SCLT1: variants seen among roughly 807,000 people sequenced by gnomAD.
SCLT1 encodes sodium channel-associated protein 1.
In SCLT1, 78 loss-of-function variants were observed where a neutral mutation model predicts 112.8. That is an observed-to-expected ratio of 0.69 (90% CI 0.58 to 0.83). The LOEUF (loss-of-function observed/expected upper bound fraction) is 0.83. Among genes scored for constraint, SCLT1 ranks in the 40% least tolerant of loss-of-function variants. The pLI, the probability that SCLT1 is intolerant of heterozygous loss-of-function variation, is 0.00. For synonymous variants in SCLT1, 257 were observed against 254.7 expected, an observed-to-expected ratio of 1.01 and a Z score of -0.09; for missense variants, 747 against 770.4, an observed-to-expected ratio of 0.97 and a Z score of 0.36.
At chr4:129,017,088 T>G (rs1745056493) in intron 5 of SCLT1, among the ~76,000 whole-genome samples, 1 of 152,142 alleles carries the variant, frequency 6.6e-6, no homozygotes, top group African/African-American at 2.4e-5. Flanking sequence ...TGTCAATTCA[T>G]TTTTTTAATC....
intron 10 of SCLT1, among the ~76,000 whole-genome samples, chr4:128,968,252 C>A (rs537245505): frequency 6.6e-6 from 1 of 152,084 alleles, no homozygotes; most frequent in Non-Finnish European, 1.5e-5. Flanking sequence ...AGCTCTTGTT[C>A]ATTTTTCTTC....
chr4:128,898,579 C>A (rs1264630619), intron 18 of SCLT1, among the ~76,000 whole-genome samples: 2 of 151,950 alleles, frequency 1.3e-5, no homozygotes, highest in Admixed American at 6.6e-5. Context: ...CAGGAAAGAT[C>A]GAAAATTGAC....
chr4:128,943,961 A>G (rs1737926890), intron 16 of SCLT1, among the ~76,000 whole-genome samples: 2 of 152,162 alleles, frequency 1.3e-5, no homozygotes, highest in Admixed American at 1.3e-4. Context: ...AAGCAGAAAA[A>G]TACTTAAAAT....
At chr4:129,039,801 A>G (rs1289261957) in intron 4 of SCLT1, 1 of 175,176 alleles carries the variant, frequency 5.7e-6, no homozygotes, top group Non-Finnish European at 1.2e-5. Flanking sequence ...AAAAGAAAGC[A>G]TTTAAAGTTG....
At chr4:129,043,499 C>A in intron 3 of SCLT1, 32 bp from the exon 4 acceptor site, 1 of 951,186 alleles carries the variant, frequency 1.1e-6, no homozygotes, top group South Asian at 1.5e-5. Context: ...ATAGCATATT[C>A]TGTTCCATCT....
chr4:129,030,501 C>G (rs1180643979), intron 5 of SCLT1, among the ~76,000 whole-genome samples: 1 of 151,754 alleles, frequency 6.6e-6, no homozygotes, highest in African/African-American at 2.4e-5. Context: ...AAAAACTGCT[C>G]AAAAAATGAA....
At chr4:129,034,593 C>T (rs1022710242) in intron 5 of SCLT1, among the ~76,000 whole-genome samples, 3 of 142,134 alleles carry the variant, frequency 2.1e-5, no homozygotes, top group African/African-American at 7.7e-5. Context: ...TATATATATG[C>T]CTAAATAAAT....
At chr4:129,024,950 T>C (rs1433282351) in intron 5 of SCLT1, among the ~76,000 whole-genome samples, 1 of 151,776 alleles carries the variant, frequency 6.6e-6, no homozygotes, top group South Asian at 2.1e-4. Context: ...AGGGTATCAG[T>C]GATGGAAGAT....
At chr4:129,044,146 C>A in intron 2 of SCLT1, 95 bp from the exon 3 acceptor site, 2 of 621,792 alleles carry the variant, frequency 3.2e-6, no homozygotes, top group Non-Finnish European at 5.7e-6. Context: ...TTTTCATAAT[C>A]TTAGAAACTC....
intron 2 of SCLT1, among the ~76,000 whole-genome samples, chr4:129,064,240 T>C (rs906532869): frequency 2.4e-4 from 37 of 152,332 alleles, no homozygotes; most frequent in African/African-American, 8.2e-4. Context: ...CAGTCATATA[T>C]ATGGTTTGCA....
chr4:129,065,876 G>T (rs1750439471), intron 2 of SCLT1, among the ~76,000 whole-genome samples: 1 of 151,980 alleles, frequency 6.6e-6, no homozygotes, highest in Non-Finnish European at 1.5e-5. Flanking sequence ...CTATTATTCT[G>T]GGAGGGAAAC....
At chr4:128,947,046 G>C (rs1173660978) in intron 15 of SCLT1, among the ~76,000 whole-genome samples, 1 of 152,168 alleles carries the variant, frequency 6.6e-6, no homozygotes, top group Non-Finnish European at 1.5e-5. Context: ...CCACTGACAG[G>C]ACTGCTTTGT....
At chr4:129,003,332 T>A (rs572373210) in intron 6 of SCLT1, among the ~76,000 whole-genome samples, 1 of 150,758 alleles carries the variant, frequency 6.6e-6, no homozygotes, top group African/African-American at 2.4e-5. Flanking sequence ...ATACCTAACA[T>A]AGATGATGGG....
intron 18 of SCLT1, among the ~76,000 whole-genome samples, chr4:128,929,226 G>A (rs1055130481): frequency 2.6e-5 from 4 of 152,270 alleles, no homozygotes; most frequent in East Asian, 1.9e-4. Context: ...AAACAATGAT[G>A]AGAAAATGAA....
Position 128,946,042 on chromosome 4 carries a change from C to T in SCLT1, c.1404G>A (p.Thr468=), listed in dbSNP as rs773127348. The change falls in exon 16 of 21, where the codon ACG becomes ACA. Residue 468 remains threonine (T), a synonymous_variant. Coordinates refer to ENST00000281142, the MANE Select transcript of SCLT1 (RefSeq NM_144643.4). ...RSKDDLQLRL[T]RAENRIKQLE... is the part of the protein sequence containing the mutation. ...GTTGTTTTATTCTATTTTCTGCTCT[C>T]GTAAGTCTTAGCTGAAGATCATCTT... 28 of 1,610,884 alleles carry T rather than the reference C, an allele frequency of 1.7e-5. No homozygotes were observed. Among genetic ancestry groups the T allele is most frequent in the African/African-American group, 2.7e-5 (2 of 74,812 alleles).
intron 8 of SCLT1, among the ~76,000 whole-genome samples, chr4:128,994,950 C>T (rs969920277): frequency 2.6e-5 from 4 of 152,062 alleles, no homozygotes; most frequent in African/African-American, 9.7e-5. Context: ...ATACGGTCTG[C>T]AAATATTTTG....
chr4:129,053,470 T>G (rs1039808518), intron 2 of SCLT1, among the ~76,000 whole-genome samples: 2 of 151,134 alleles, frequency 1.3e-5, no homozygotes, highest in Non-Finnish European at 3.0e-5. Flanking sequence ...ATTGATCCCT[T>G]TAACATTATG....
chr4:129,049,131 T>C (rs1029213654), intron 2 of SCLT1, among the ~76,000 whole-genome samples: 20 of 151,908 alleles, frequency 1.3e-4, no homozygotes, highest in Admixed American at 7.2e-4. Context: ...CATTACTGGG[T>C]ATATACCCAA....
intron 1 of SCLT1, among the ~76,000 whole-genome samples, chr4:129,083,830 CAAG>C (rs1401441247): frequency 6.6e-6 from 1 of 151,940 alleles, no homozygotes; most frequent in East Asian, 1.9e-4. Flanking sequence ...AAATGCATTC[CAAG>C]AAGTTAGAAA....
Sources: allele counts gnomAD v4.1 joint callset (sites outside exome capture counted in the v4.1 genomes callset), GRCh38; gene constraint gnomAD v4.1.1; transcripts MANE v1.5; gene names NCBI Gene and HGNC (gene_info 2026-07-23, HGNC 2026-07-21).